Variants in XG observed in about 807,000 individuals in gnomAD.
XG encodes glycoprotein Xg.
A neutral mutation model predicts 25.7 loss-of-function variants in XG; 24 were observed. The ratio of observed to expected loss-of-function variants is 0.93; its 90% CI spans 0.68 to 1.31. The LOEUF (loss-of-function observed/expected upper bound fraction) is 1.31. XG is among the 40% of genes most tolerant of loss of function. XG has a pLI of 0.00. For missense variants in XG, 181 were observed against 187.6 expected, an observed-to-expected ratio of 0.96 and a Z score of 0.21; for synonymous variants, 77 against 69.2, an observed-to-expected ratio of 1.11 and a Z score of -0.56.
At position 2,752,286 on chromosome X, in the gene XG, G is replaced by A. The variant is rs770988187; in HGVS notation, c.12G>A (p.Trp4Ter). The change falls in exon 1 of 11, where the codon TGG becomes TGA. Residue 4 changes from tryptophan (W) to a stop codon, truncating the protein, a stop_gained. Transcript: ENST00000644266. LOFTEE classifies it high-confidence loss of function. ...TCCTGAAGCAAACCATGGAGAGCTGGTGGGGACTTCCCTGTCTTGCGTTCC... is the reference window on the plus strand; with the variant it reads ...TCCTGAAGCAAACCATGGAGAGCTGATGGGGACTTCCCTGTCTTGCGTTCC... MES[W>*]WGLPCLAFLC... is the part of the protein sequence containing the mutation. 3.1e-5 allele frequency: 50 copies of A among 1,613,750 alleles called. No homozygotes were observed. The highest frequency in any genetic ancestry group is 3.8e-5 in the Non-Finnish European group (45 of 1,179,856).
chrX:2,772,755 C>T (rs2050848228), intron 2 of XG, among the ~76,000 whole-genome samples: 1 of 152,106 alleles, frequency 6.6e-6, no homozygotes, highest in Non-Finnish European at 1.5e-5. Context: ...ACTTATTTTC[C>T]ACTCACCTGC....
Position 2,764,732 on chromosome X carries a change from C to T in XG, c.62-5818C>T, listed in dbSNP as rs1198782707. Among the ~76,000 whole-genome samples, 5 of 151,920 alleles carry T rather than the reference C, an allele frequency of 3.3e-5. No individual in the cohort carries two copies. In the East Asian group the frequency reaches 9.7e-4, roughly 29 times the overall value. The stretch of plus-strand genomic sequence containing the variant: ...ACCCACACTTCAGAGGAAACCAGTA[C>T]AATCCGATGTAAAGAAATAAAAAAT... On this transcript the variant is annotated intron_variant, in intron 1 of 10. Coordinates refer to ENST00000644266, the MANE Select transcript of XG (RefSeq NM_001141919.2).
At chrX:2,772,130 GC>G (rs1305179489) in intron 2 of XG, among the ~76,000 whole-genome samples, 6 of 152,328 alleles carry the variant, frequency 3.9e-5, no homozygotes, top group Middle Eastern at 3.4e-3. Flanking sequence ...TGAAGGAGGG[GC>G]TGGCTGGTAG....
intron 1 of XG, among the ~76,000 whole-genome samples, chrX:2,769,290 C>T (rs1481273789): frequency 5.9e-5 from 9 of 152,188 alleles, no homozygotes; most frequent in Non-Finnish European, 1.3e-4. Flanking sequence ...GTACCTAGGG[C>T]TCACCTGGTT....
In XG at chrX:2,806,698, C is replaced by T. The variant is rs1438104196; in HGVS notation, c.374-3C>T. 8 of 1,144,231 alleles carry T rather than the reference C, an allele frequency of 7.0e-6. No individual in the cohort carries two copies. Among genetic ancestry groups the T allele is most frequent in the Non-Finnish European group, 8.2e-6 (7 of 857,182 alleles). 94.3% of individuals were successfully genotyped at this position (1,144,231 alleles called of 1,213,427 possible). A position where few individuals can be genotyped will look rare whatever the true frequency, so the allele number is the denominator to read the frequency against. The stretch of plus-strand genomic sequence containing the variant: ...ATTTCATGGTCTCTTTTCTATCCTG[C>T]AGGAAGAGGGGGCTATAGACTCAAC... On this transcript the variant is annotated splice_polypyrimidine_tract_variant and splice_region_variant and intron_variant, in intron 7 of 10. Transcript: ENST00000644266.
chrX:2,804,627 C>T (rs1332686609), intron 7 of XG, among the ~76,000 whole-genome samples: 1 of 111,682 alleles, frequency 9.0e-6, no homozygotes, highest in African/African-American at 3.3e-5. Flanking sequence ...AGGAGCTATT[C>T]GGGACACGTT....
At chrX:2,777,435 A>C (rs994208067) in intron 3 of XG, among the ~76,000 whole-genome samples, 4 of 152,118 alleles carry the variant, frequency 2.6e-5, no homozygotes, top group African/African-American at 4.8e-5. Context: ...GTAAAATTAA[A>C]TACCAAAATT....
intron 2 of XG, among the ~76,000 whole-genome samples, chrX:2,772,829 C>T (rs372174334): frequency 1.9e-4 from 29 of 152,174 alleles, no homozygotes; most frequent in East Asian, 1.5e-3. Flanking sequence ...TTGAATGCAT[C>T]GTTTTGCTAC....
intron 4 of XG, among the ~76,000 whole-genome samples, chrX:2,786,393 G>A (rs1167883798): frequency 2.0e-4 from 21 of 107,410 alleles, no homozygotes; most frequent in African/African-American, 6.8e-4. Context: ...TTAGCCTCCC[G>A]AGTAACTGGG....
intron 3 of XG, among the ~76,000 whole-genome samples, chrX:2,779,472 C>G (rs993343763): frequency 5.3e-5 from 8 of 151,970 alleles, no homozygotes; most frequent in Non-Finnish European, 1.0e-4. Flanking sequence ...AGGCTCCTTA[C>G]TGCTCATACC....
chrX:2,805,067 C>T (rs1457611553), intron 7 of XG, among the ~76,000 whole-genome samples: 3 of 112,217 alleles, frequency 2.7e-5, no homozygotes, highest in Admixed American at 1.9e-4. Flanking sequence ...ATGGAGGTGC[C>T]GGCTGGGATG....
At chrX:2,789,085 G>A (rs1302269254) in intron 4 of XG, among the ~76,000 whole-genome samples, 2 of 110,626 alleles carry the variant, frequency 1.8e-5, no homozygotes, top group Non-Finnish European at 3.8e-5. Flanking sequence ...TTAAAAATTA[G>A]CCAACTATGG....
rs1194493889 is a variant in XG, at chrX:2,752,051, T to C, written c.-224T>C. On this transcript the variant is annotated 5_prime_UTR_variant, in exon 1 of 11. Transcript: ENST00000644266. ...AGGCTGGCTCCGACACACGACTGAG[T>C]GTGCCTACACTGGTCCCACAGGTTT... 12 of 600,844 alleles carry C rather than the reference T, an allele frequency of 2.0e-5. No homozygotes were observed. Among genetic ancestry groups the C allele is most frequent in the Non-Finnish European group, 3.1e-5 (11 of 354,820 alleles). The allele number at this position is 600,844 out of a possible 1,614,324, so 37.2% of individuals were successfully genotyped here. A position where few individuals can be genotyped will look rare whatever the true frequency, so the allele number is the denominator to read the frequency against.
At chrX:2,807,494 A>G (rs1488468331) in intron 8 of XG, among the ~76,000 whole-genome samples, 5 of 41,033 alleles carry the variant, frequency 1.2e-4, no homozygotes, top group African/African-American at 2.9e-4. Flanking sequence ...GTTTATGCAT[A>G]CAGGTGTAAA....
At chrX:2,794,447 A>G (rs1314737532) in intron 5 of XG, 88 bp from the exon 6 acceptor site, 1 of 1,024,502 alleles carries the variant, frequency 9.8e-7, no homozygotes, top group African/African-American at 1.9e-5. Flanking sequence ...CTTCTCCAAA[A>G]CCTGTGCCAG....
At chrX:2,800,959 G>A (rs1165872726) in intron 7 of XG, among the ~76,000 whole-genome samples, 1 of 94,031 alleles carries the variant, frequency 1.1e-5, no homozygotes, top group Admixed American at 1.2e-4. Context: ...CTGGGCCATG[G>A]AGTGAGACCC....
At chrX:2,753,225 A>G (rs1023512831) in intron 1 of XG, among the ~76,000 whole-genome samples, 1 of 152,156 alleles carries the variant, frequency 6.6e-6, no homozygotes, top group Non-Finnish European at 1.5e-5. Flanking sequence ...TGGTGGACAT[A>G]GTCTAGGATC....
chrX:2,761,801 A>T (rs1391604523), intron 1 of XG, among the ~76,000 whole-genome samples: 7 of 152,126 alleles, frequency 4.6e-5, no homozygotes, highest in African/African-American at 1.7e-4. Flanking sequence ...CCCAGGAGAG[A>T]GGACTCAGGA....
chrX:2,784,236 A>G (rs2086762195), intron 4 of XG, among the ~76,000 whole-genome samples: 1 of 111,000 alleles, frequency 9.0e-6, no homozygotes, highest in African/African-American at 3.3e-5. Flanking sequence ...TACTTGGGAA[A>G]CGCCCAGTTA....
Sources: gnomAD v4.1 joint callset for allele counts (sites outside exome capture counted in the v4.1 genomes callset) on GRCh38, gnomAD v4.1.1 for gene constraint, MANE v1.5 for transcripts, NCBI Gene and HGNC (gene_info 2026-07-23, HGNC 2026-07-21) for gene names.